The following FHIT variants were observed in gnomAD, a reference collection of about 807,000 sequenced individuals.
The protein encoded by FHIT is fragile histidine triad diadenosine triphosphatase, also known as bis(5'-adenosyl)-triphosphatase.
In FHIT, 19 loss-of-function variants were observed where a neutral mutation model predicts 17.9. The ratio of observed to expected loss-of-function variants is 1.06; its 90% CI spans 0.74 to 1.56. FHIT has a LOEUF of 1.56. Ranked by LOEUF, FHIT falls within the 40% of genes most tolerant of loss-of-function variation. FHIT has a pLI of 0.00. For synonymous variants in FHIT, 81 were observed against 69.7 expected, an observed-to-expected ratio of 1.16 and a Z score of -0.81; for missense variants, 248 against 189.2, an observed-to-expected ratio of 1.31 and a Z score of -1.82.
intron 5 of FHIT, among the ~76,000 whole-genome samples, chr3:60,150,019 A>G (rs1700397766): frequency 6.3e-4 from 1 of 1,590 alleles, no homozygotes; most frequent in Non-Finnish European, 1.8e-3. Context: ...TTGGTGACCA[A>G]GTTTTGCTAC....
At chr3:60,814,123 T>C (rs1397973089) in intron 4 of FHIT, among the ~76,000 whole-genome samples, 2 of 152,202 alleles carry the variant, frequency 1.3e-5, no homozygotes, top group Non-Finnish European at 2.9e-5. Flanking sequence ...TGTCAATCAT[T>C]TGAAAGTAGC....
intron 5 of FHIT, among the ~76,000 whole-genome samples, chr3:60,059,210 G>A (rs2106918209): frequency 6.6e-6 from 1 of 152,270 alleles, no homozygotes; most frequent in East Asian, 1.9e-4. Flanking sequence ...CCTGTAACTG[G>A]TAATCAGCAG....
At chr3:60,134,424 A>G (rs1169127277) in intron 5 of FHIT, among the ~76,000 whole-genome samples, 6 of 152,236 alleles carry the variant, frequency 3.9e-5, no homozygotes, top group African/African-American at 1.4e-4. Context: ...GTTATAATTC[A>G]TCCAATAAGC....
intron 4 of FHIT, among the ~76,000 whole-genome samples, chr3:60,604,023 A>G (rs2038528819): frequency 6.6e-6 from 1 of 152,210 alleles, no homozygotes. Flanking sequence ...AGTGTCTACT[A>G]TGTACTAGGC....
At chr3:59,750,770 C>T (rs1408706465) in intron 9 of FHIT, 1 of 212,670 alleles carries the variant, frequency 4.7e-6, no homozygotes, top group African/African-American at 2.3e-5. Flanking sequence ...AGGCCAAGTG[C>T]ACATATATTT....
chr3:60,968,525 G>C (rs749603020), intron 3 of FHIT, among the ~76,000 whole-genome samples: 4 of 150,532 alleles, frequency 2.7e-5, no homozygotes, highest in Non-Finnish European at 5.9e-5. Flanking sequence ...CAATTCTCCT[G>C]CTTCAGCCTC....
At chr3:60,422,531 G>C (rs1702515748) in intron 5 of FHIT, among the ~76,000 whole-genome samples, 1 of 151,864 alleles carries the variant, frequency 6.6e-6, no homozygotes, top group South Asian at 2.1e-4. Flanking sequence ...TTTTGTTGTT[G>C]TTATTGCTAT....
chr3:61,092,735 T>C (rs2035524518), intron 2 of FHIT, among the ~76,000 whole-genome samples: 1 of 152,220 alleles, frequency 6.6e-6, no homozygotes, highest in South Asian at 2.1e-4. Context: ...TAAGATGATA[T>C]TTATGCTCAT....
intron 3 of FHIT, among the ~76,000 whole-genome samples, chr3:61,035,740 C>G (rs2033207341): frequency 6.6e-6 from 1 of 151,818 alleles, no homozygotes; most frequent in Non-Finnish European, 1.5e-5. Context: ...AAAATATTAT[C>G]CAAGAAGAAG....
intron 2 of FHIT, among the ~76,000 whole-genome samples, chr3:61,179,004 T>C (rs927227213): frequency 2.1e-5 from 3 of 141,764 alleles, no homozygotes; most frequent in African/African-American, 8.1e-5. Context: ...TTCTTTTTCT[T>C]TTTCTTTTTT....
chr3:60,144,577 T>C (rs991674638), intron 5 of FHIT, among the ~76,000 whole-genome samples: 1 of 152,136 alleles, frequency 6.6e-6, no homozygotes, highest in Non-Finnish European at 1.5e-5. Flanking sequence ...CTCAGTTAAC[T>C]GAAGATTTTT....
chr3:60,107,294 A>T (rs1302752155), intron 5 of FHIT, among the ~76,000 whole-genome samples: 1 of 152,050 alleles, frequency 6.6e-6, no homozygotes, highest in African/African-American at 2.4e-5. Context: ...ATAAAAATAC[A>T]TTCTGATGAG....
intron 2 of FHIT, among the ~76,000 whole-genome samples, chr3:61,178,617 T>C (rs1035176726): frequency 8.6e-5 from 13 of 151,780 alleles, no homozygotes; most frequent in African/African-American, 1.2e-4. Context: ...CCTTAAGATA[T>C]AGCCTTAGGT....
At chr3:60,121,505 G>C (rs1190094266) in intron 5 of FHIT, among the ~76,000 whole-genome samples, 2 of 151,998 alleles carry the variant, frequency 1.3e-5, no homozygotes, top group Non-Finnish European at 2.9e-5. Flanking sequence ...GGCCAACATG[G>C]TGAGATCCCA....
chr3:60,452,020 CTACAAGTT>C (rs2031780620), intron 5 of FHIT, among the ~76,000 whole-genome samples: 1 of 152,146 alleles, frequency 6.6e-6, no homozygotes, highest in African/African-American at 2.4e-5. Flanking sequence ...TTGTAATTTT[CTACAAGTT>C]TATTGCTTTC....
chr3:60,004,109 AG>A (rs1699831770), intron 7 of FHIT, among the ~76,000 whole-genome samples: 2 of 152,254 alleles, frequency 1.3e-5, no homozygotes, highest in South Asian at 2.1e-4. Flanking sequence ...ACATCAACAA[AG>A]GTAAGACTCT....
intron 5 of FHIT, among the ~76,000 whole-genome samples, chr3:60,055,929 C>T (rs1401163696): frequency 1.3e-5 from 2 of 152,114 alleles, no homozygotes; most frequent in Admixed American, 6.6e-5. Flanking sequence ...GTCAGCTGGC[C>T]AAGATGAATA....
intron 1 of FHIT, among the ~76,000 whole-genome samples, chr3:61,246,113 A>G (rs1359776382): frequency 2.0e-5 from 3 of 152,238 alleles, no homozygotes; most frequent in Non-Finnish European, 4.4e-5. Flanking sequence ...ATGCCATGGC[A>G]ATGTCAGAAA....
intron 8 of FHIT, among the ~76,000 whole-genome samples, chr3:59,903,030 A>G (rs1704405897): frequency 6.6e-6 from 1 of 152,218 alleles, no homozygotes; most frequent in South Asian, 2.1e-4. Context: ...CACAATGTAT[A>G]CGTATGTTAA....
Sources: gnomAD v4.1 joint callset for allele counts (sites outside exome capture counted in the v4.1 genomes callset) on GRCh38, gnomAD v4.1.1 for gene constraint, MANE v1.5 for transcripts, NCBI Gene and HGNC (gene_info 2026-07-23, HGNC 2026-07-21) for gene names.